Variants in RARB observed in about 807,000 individuals in gnomAD.
RARB encodes retinoic acid receptor beta, also known as HBV-activated protein.
In RARB, 17 loss-of-function variants were observed where a neutral mutation model predicts 51.9. The observed-to-expected ratio is 0.33, with a 90% CI of 0.22 to 0.49. RARB has a LOEUF of 0.49. Among genes scored for constraint, RARB ranks in the 20% least tolerant of loss-of-function variants. RARB has a pLI of 0.99. For missense variants in RARB, 369 were observed against 550.8 expected (o/e 0.67, Z 3.30); for synonymous variants, 215 against 195.4 (o/e 1.10, Z -0.84).
chr3:25,134,683 AC>A (rs1270608465), intron 4 of RARB, among the ~76,000 whole-genome samples: 1 of 152,038 alleles, frequency 6.6e-6, no homozygotes, highest in Admixed American at 6.6e-5. Flanking sequence ...TACATTAAGA[AC>A]AAAAAAAATG....
At chr3:25,029,279 C>T (rs953344847) in intron 2 of RARB, among the ~76,000 whole-genome samples, 1 of 152,182 alleles carries the variant, frequency 6.6e-6, no homozygotes, top group African/African-American at 2.4e-5. Flanking sequence ...TTGCTGCTAA[C>T]ATCCTTCTAA....
intron 2 of RARB, among the ~76,000 whole-genome samples, chr3:24,994,379 T>A (rs1293590806): frequency 2.0e-5 from 3 of 152,160 alleles, no homozygotes; most frequent in African/African-American, 7.2e-5. Flanking sequence ...TCTGAATTCC[T>A]TGTATATTCT....
intron 1 of RARB, among the ~76,000 whole-genome samples, chr3:25,450,596 A>G (rs1709149238): frequency 6.6e-6 from 1 of 151,932 alleles, no homozygotes; most frequent in African/African-American, 2.4e-5. Context: ...GTGTTTTTCA[A>G]CCTCAGCACT....
chr3:25,234,322 T>A (rs979783070), intron 5 of RARB, among the ~76,000 whole-genome samples: 1 of 152,188 alleles, frequency 6.6e-6, no homozygotes, highest in Non-Finnish European at 1.5e-5. Flanking sequence ...CCATTTCATC[T>A]AAGTTATTAG....
chr3:25,215,989 G>T (rs1701824942), intron 5 of RARB, among the ~76,000 whole-genome samples: 1 of 152,178 alleles, frequency 6.6e-6, no homozygotes, highest in Admixed American at 6.5e-5. Flanking sequence ...TCCCAGAAGT[G>T]CCTTTCATAC....
At chr3:25,541,969 T>G (rs1247236043) in intron 3 of RARB, among the ~76,000 whole-genome samples, 4 of 152,074 alleles carry the variant, frequency 2.6e-5, no homozygotes, top group African/African-American at 9.7e-5. Context: ...TTAAATAAAT[T>G]GTCAACTGAA....
chr3:25,418,099 G>A (rs541257373), intron 5 of RARB, among the ~76,000 whole-genome samples: 1 of 152,158 alleles, frequency 6.6e-6, no homozygotes, highest in African/African-American at 2.4e-5. Flanking sequence ...CAACACTTGT[G>A]ATCACATTGT....
At chr3:25,260,139 C>G (rs1252085825) in intron 5 of RARB, among the ~76,000 whole-genome samples, 1 of 152,162 alleles carries the variant, frequency 6.6e-6, no homozygotes, top group Admixed American at 6.5e-5. Flanking sequence ...AGATCAGCCT[C>G]TGATACCCGG....
At chr3:25,448,442 T>C (rs1156682979) in intron 1 of RARB, among the ~76,000 whole-genome samples, 4 of 152,194 alleles carry the variant, frequency 2.6e-5, no homozygotes, top group Non-Finnish European at 5.9e-5. Context: ...TTTGAACAGT[T>C]CTATATAGAA....
At chr3:25,043,402 A>G (rs1698151750) in intron 2 of RARB, among the ~76,000 whole-genome samples, 1 of 152,264 alleles carries the variant, frequency 6.6e-6, no homozygotes, top group South Asian at 2.1e-4. Flanking sequence ...CAACAGGCCA[A>G]GCACACTTCA....
rs112816902 is a variant in RARB at position 24,850,914 on chromosome 3, G to A, written c.-458-7760G>A. 3.1e-3 allele frequency among the ~76,000 whole-genome samples: 479 copies of A among 152,232 alleles called. 3 individuals carry two copies. Among genetic ancestry groups the A allele is most frequent in the African/African-American group, 0.01 (436 of 41,534 alleles). On this transcript the variant is annotated intron_variant, in intron 1 of 11. Transcript: ENST00000383772. ...CAGCAGATATGCTAAAACAAAACAG[G>A]GAAGCAAGTACTCATTAGCAAACCT...
At chr3:24,892,109 T>C (rs1703392276) in intron 2 of RARB, among the ~76,000 whole-genome samples, 1 of 151,920 alleles carries the variant, frequency 6.6e-6, no homozygotes, top group Non-Finnish European at 1.5e-5. Context: ...GCAGGGAGTG[T>C]TGCAGGGCCA....
intron 4 of RARB, among the ~76,000 whole-genome samples, chr3:25,157,737 T>C (rs139797681): frequency 6.6e-6 from 1 of 152,260 alleles, no homozygotes; most frequent in Non-Finnish European, 1.5e-5. Context: ...CTTCACAAAT[T>C]TGTGTGCTAA....
chr3:25,302,799 A>C (rs1239607626), intron 5 of RARB, among the ~76,000 whole-genome samples: 1 of 152,190 alleles, frequency 6.6e-6, no homozygotes. Flanking sequence ...GCCTCCACCA[A>C]AGCTGGGCTG....
chr3:24,887,019 A>C (rs1352358766), intron 2 of RARB, among the ~76,000 whole-genome samples: 1 of 152,234 alleles, frequency 6.6e-6, no homozygotes, highest in African/African-American at 2.4e-5. Flanking sequence ...AGAACCATAG[A>C]CTTACATTTC....
intron 2 of RARB, among the ~76,000 whole-genome samples, chr3:25,012,617 T>G (rs751537268): frequency 4.3e-4 from 66 of 152,290 alleles, no homozygotes; most frequent in Middle Eastern, 3.4e-3. Context: ...TTCTGTAGTT[T>G]GGCATATTTT....
chr3:25,594,968 G>A (rs1701763048), intron 7 of RARB, among the ~76,000 whole-genome samples: 1 of 152,034 alleles, frequency 6.6e-6, no homozygotes, highest in Admixed American at 6.6e-5. Flanking sequence ...TAATTCTCTA[G>A]GTTCATACAT....
chr3:25,442,621 T>A (rs1192239768), intron 1 of RARB, among the ~76,000 whole-genome samples: 1 of 152,220 alleles, frequency 6.6e-6, no homozygotes, highest in East Asian at 1.9e-4. Flanking sequence ...GCTCTAATTA[T>A]CCCTTTATGT....
chr3:25,138,126 G>C (rs1700058667), intron 4 of RARB, among the ~76,000 whole-genome samples: 1 of 152,100 alleles, frequency 6.6e-6, no homozygotes, highest in Non-Finnish European at 1.5e-5. Context: ...TCGGTCTTCA[G>C]GGAGCTACAA....
Sources: gnomAD v4.1 joint callset for allele counts (sites outside exome capture counted in the v4.1 genomes callset) on GRCh38, gnomAD v4.1.1 for gene constraint, MANE v1.5 for transcripts, NCBI Gene and HGNC (gene_info 2026-07-23, HGNC 2026-07-21) for gene names.